Variants in PCLO observed in about 807,000 individuals in gnomAD.
The protein encoded by PCLO is piccolo presynaptic cytomatrix protein.
PCLO carries 82 observed loss-of-function variants against 427.5 expected under a neutral mutation model. The ratio of observed to expected loss-of-function variants is 0.19; its 90% confidence interval spans 0.16 to 0.23. The LOEUF (loss-of-function observed/expected upper bound fraction) is 0.23. PCLO is among the 10% of genes least tolerant of loss of function. PCLO has a pLI of 1.00. For synonymous variants in PCLO, 2,357 were observed against 2,155.4 expected (o/e 1.09, Z -2.59); for missense variants, 6,239 against 6,115.9 (o/e 1.02, Z -0.67).
chr7:82,923,005 T>C (rs1017768217), intron 6 of PCLO, among the ~76,000 whole-genome samples: 11 of 152,004 alleles, frequency 7.2e-5, no homozygotes, highest in Admixed American at 2.6e-4. Flanking sequence ...GGTAGAGATG[T>C]GGATTCTTTT....
intron 20 of PCLO, among the ~76,000 whole-genome samples, chr7:82,807,365 G>A (rs1791476761): frequency 1.3e-5 from 2 of 152,202 alleles, no homozygotes; most frequent in Non-Finnish European, 2.9e-5. Context: ...TTAGCCAGTT[G>A]GATAGAGTTA....
chr7:82,973,726 G>T (rs1308187185), intron 3 of PCLO, among the ~76,000 whole-genome samples: 1 of 151,414 alleles, frequency 6.6e-6, no homozygotes, highest in African/African-American at 2.4e-5. Context: ...AAAAAAACTT[G>T]CAATGTAGGT....
At chr7:82,920,877 AC>A (rs2116294756) in intron 6 of PCLO, among the ~76,000 whole-genome samples, 1 of 151,930 alleles carries the variant, frequency 6.6e-6, no homozygotes, top group East Asian at 1.9e-4. Context: ...ATATTGAAAA[AC>A]TAAAAATACA....
chr7:82,992,385 T>C (rs905177065), intron 3 of PCLO, among the ~76,000 whole-genome samples: 3 of 152,084 alleles, frequency 2.0e-5, no homozygotes, highest in African/African-American at 4.8e-5. Context: ...TTATTTAAGA[T>C]GAAATGATGA....
intron 2 of PCLO, among the ~76,000 whole-genome samples, chr7:83,148,594 C>CT (rs201998026): frequency 4.2e-4 from 64 of 151,154 alleles, no homozygotes; most frequent in Admixed American, 1.1e-3. Flanking sequence ...AACTGAGTTC[C>CT]TTTTTTTTTA....
At chr7:83,086,771 C>G (rs1228897859) in intron 3 of PCLO, among the ~76,000 whole-genome samples, 1 of 151,996 alleles carries the variant, frequency 6.6e-6, no homozygotes, top group African/African-American at 2.4e-5. Context: ...GATTACTCAT[C>G]AAAATCTTGT....
chr7:83,144,131 A>G (rs1791935117), intron 2 of PCLO, among the ~76,000 whole-genome samples: 1 of 152,218 alleles, frequency 6.6e-6, no homozygotes, highest in African/African-American at 2.4e-5. Flanking sequence ...TTTTAAAAAT[A>G]GATGAAATCG....
chr7:82,936,613 AG>A (rs968859059), intron 6 of PCLO, among the ~76,000 whole-genome samples: 1 of 151,694 alleles, frequency 6.6e-6, no homozygotes, highest in African/African-American at 2.4e-5. Flanking sequence ...AGAGGTTGAC[AG>A]TTCTTCAAAA....
intron 10 of PCLO, among the ~76,000 whole-genome samples, chr7:82,869,473 A>T (rs1207888491): frequency 1.3e-5 from 2 of 152,090 alleles, no homozygotes. Context: ...TTGTCATGAA[A>T]ATTGAAAAAC....
intron 3 of PCLO, among the ~76,000 whole-genome samples, chr7:83,030,797 A>G (rs1195776665): frequency 1.3e-5 from 2 of 152,346 alleles, no homozygotes; most frequent in East Asian, 3.9e-4. Context: ...TAGCCTGCAC[A>G]GCCTCTTCAA....
At chr7:82,979,749 A>G (rs953511016) in intron 3 of PCLO, among the ~76,000 whole-genome samples, 2 of 152,256 alleles carry the variant, frequency 1.3e-5, no homozygotes, top group African/African-American at 2.4e-5. Context: ...GCCAGTAAGG[A>G]TGGGAAGTAG....
intron 3 of PCLO, among the ~76,000 whole-genome samples, chr7:83,053,724 T>A (rs1426076708): frequency 6.6e-6 from 1 of 151,950 alleles, no homozygotes; most frequent in Non-Finnish European, 1.5e-5. Flanking sequence ...TTCTGAGTTT[T>A]CAATAACTCT....
At chr7:83,082,076 A>C (rs1790114657) in intron 3 of PCLO, among the ~76,000 whole-genome samples, 1 of 151,522 alleles carries the variant, frequency 6.6e-6, no homozygotes, top group African/African-American at 2.4e-5. Flanking sequence ...TAATTTCCTA[A>C]GAAATTTTCC....
intron 3 of PCLO, among the ~76,000 whole-genome samples, chr7:83,084,201 C>T (rs917542257): frequency 5.9e-5 from 9 of 151,866 alleles, no homozygotes; most frequent in African/African-American, 2.2e-4. Context: ...CTTTTATAAG[C>T]TCTGCTTCAT....
At chr7:82,801,232 C>T (rs1791343738) in intron 22 of PCLO, among the ~76,000 whole-genome samples, 2 of 93,136 alleles carry the variant, frequency 2.1e-5, no homozygotes, top group Middle Eastern at 5.4e-3. Context: ...TCCCTCCCAC[C>T]CTGGGAAAGT....
chr7:82,759,513 G>A (rs1359204278), intron 24 of PCLO, among the ~76,000 whole-genome samples: 5 of 151,626 alleles, frequency 3.3e-5, no homozygotes, highest in Admixed American at 2.0e-4. Flanking sequence ...AATTCATTTC[G>A]GACAAACTAT....
chr7:82,764,014 G>A (rs529376366), intron 22 of PCLO, among the ~76,000 whole-genome samples: 1 of 151,934 alleles, frequency 6.6e-6, no homozygotes, highest in South Asian at 2.1e-4. Flanking sequence ...CTTCAGCAAA[G>A]GGACTGATGG....
intron 4 of PCLO, among the ~76,000 whole-genome samples, chr7:82,961,830 G>A (rs942769630): frequency 6.6e-6 from 1 of 152,056 alleles, no homozygotes; most frequent in Non-Finnish European, 1.5e-5. Context: ...CAGATTTATG[G>A]TTTGTAGTTA....
At chr7:82,927,239 A>G (rs893719715) in intron 6 of PCLO, among the ~76,000 whole-genome samples, 4 of 152,212 alleles carry the variant, frequency 2.6e-5, no homozygotes, top group African/African-American at 7.2e-5. Context: ...GTTTTCATCT[A>G]TAACTTTTAA....
Sources: allele counts gnomAD v4.1 joint callset (sites outside exome capture counted in the v4.1 genomes callset), GRCh38; gene constraint gnomAD v4.1.1; transcripts MANE v1.5; gene names NCBI Gene and HGNC (gene_info 2026-07-23, HGNC 2026-07-21).